The following AHCTF1 variants were observed in gnomAD, a reference collection of about 807,000 sequenced individuals.
AHCTF1 encodes AT-hook containing transcription factor 1, also known as protein ELYS.
Under a neutral mutation model 248.4 loss-of-function variants are expected in AHCTF1, and 24 were observed. The ratio of observed to expected loss-of-function variants is 0.10; its 90% CI spans 0.07 to 0.14. AHCTF1 has a LOEUF of 0.14. AHCTF1 is among the 10% of genes least tolerant of loss of function. The pLI is 1.00. For synonymous variants in AHCTF1, 786 were observed against 929.8 expected (o/e 0.85, Z 2.81); for missense variants, 2,206 against 2,636.2 (o/e 0.84, Z 3.57).
chr1:246,931,158 C>T, intron 1 of AHCTF1: 4 of 1,550,286 alleles, frequency 2.6e-6, no homozygotes, highest in Non-Finnish European at 3.5e-6. Flanking sequence ...ATGTGGAACA[C>T]ACGCCAACAC....
Position 246,918,354 on chromosome 1 carries a change from G to A in AHCTF1, c.17C>T (p.Ala6Val). ...TGGCAGGAGACCACTAGTCACTTGA[G>A]CTCTTAAGTCTCGCATACTTCCACT... MRDLR[A>V]QVTSGLLPFP... The change falls in exon 2 of 36, where the codon GCT becomes GTT. Residue 6 changes from alanine to valine, a missense_variant. Physicochemically the swap from Ala to Val is moderately conservative, Grantham distance 64 (BLOSUM62 0). Transcript: ENST00000648844. 5 of 1,611,820 alleles carry A rather than the reference G, an allele frequency of 3.1e-6. No homozygotes were observed. Among genetic ancestry groups the A allele is most frequent in the Non-Finnish European group, 4.2e-6 (5 of 1,179,006 alleles).
At chr1:246,901,719 G>A (rs758957942) in intron 8 of AHCTF1, among the ~76,000 whole-genome samples, 10 of 152,170 alleles carry the variant, frequency 6.6e-5, no homozygotes, top group Admixed American at 1.3e-4. Flanking sequence ...TTGGGAGACC[G>A]AGATGGGAGA....
chr1:246,899,373 T>C, intron 11 of AHCTF1, 78 bp downstream of exon 11: 1 of 1,256,806 alleles, frequency 8.0e-7, no homozygotes, highest in Non-Finnish European at 1.1e-6. Context: ...TATCACTAAG[T>C]AAAACTTAAA....
chr1:246,846,853 G>A (rs1660305561), intron 33 of AHCTF1, among the ~76,000 whole-genome samples: 1 of 151,960 alleles, frequency 6.6e-6, no homozygotes, highest in Admixed American at 6.6e-5. Context: ...CCGGGCTCAA[G>A]CCATCCTCAC....
intron 33 of AHCTF1, 64 bp downstream of exon 33, chr1:246,849,551 T>G: frequency 6.6e-7 from 1 of 1,522,910 alleles, no homozygotes; most frequent in Non-Finnish European, 8.8e-7. Context: ...TTAGGACAAA[T>G]AACCAAATTT....
chr1:246,846,974 G>C (rs1252910447), intron 33 of AHCTF1, among the ~76,000 whole-genome samples: 1 of 151,962 alleles, frequency 6.6e-6, no homozygotes, highest in African/African-American at 2.4e-5. Flanking sequence ...CAGGCTGGTT[G>C]GATTTTGAAG....
intron 1 of AHCTF1, chr1:246,930,987 C>T: frequency 8.1e-7 from 1 of 1,236,958 alleles, no homozygotes; most frequent in African/African-American, 1.5e-5. Context: ...AGAAACCGTC[C>T]TGTTTCCCAG....
At chr1:246,902,247 CAA>C (rs1306413984) in intron 8 of AHCTF1, among the ~76,000 whole-genome samples, 1 of 152,146 alleles carries the variant, frequency 6.6e-6, no homozygotes, top group Non-Finnish European at 1.5e-5. Flanking sequence ...AAACTTCATT[CAA>C]AGACTACTCA....
intron 5 of AHCTF1, among the ~76,000 whole-genome samples, chr1:246,906,682 G>A (rs1665418102): frequency 6.6e-6 from 1 of 152,114 alleles, no homozygotes; most frequent in African/African-American, 2.4e-5. Context: ...ATACCAGTAT[G>A]CCTCAGGAAA....
intron 24 of AHCTF1, 31 bp from the exon 25 acceptor site, chr1:246,867,842 C>T: frequency 6.5e-7 from 1 of 1,537,838 alleles, no homozygotes; most frequent in Non-Finnish European, 8.8e-7. Flanking sequence ...GAATTAAGTG[C>T]ATCTCTAACA....
intron 3 of AHCTF1, 62 bp from the exon 4 acceptor site, chr1:246,913,474 A>G: frequency 6.7e-7 from 1 of 1,492,324 alleles, no homozygotes; most frequent in Non-Finnish European, 9.1e-7. Context: ...AATTAACACA[A>G]TAAATTTAAG....
chr1:246,865,593 G>A (rs1314356311), intron 26 of AHCTF1, among the ~76,000 whole-genome samples: 1 of 152,108 alleles, frequency 6.6e-6, no homozygotes, highest in Non-Finnish European at 1.5e-5. Flanking sequence ...TTTATACTGA[G>A]CTATCCCAAA....
chr1:246,907,490 A>G, intron 5 of AHCTF1, 61 bp downstream of exon 5: 4 of 1,403,232 alleles, frequency 2.9e-6, no homozygotes, highest in Non-Finnish European at 3.9e-6. Context: ...TTAGTAAATG[A>G]GTACAAGCTA....
chr1:246,913,821 T>C (rs1233183238), intron 3 of AHCTF1, among the ~76,000 whole-genome samples: 1 of 152,232 alleles, frequency 6.6e-6, no homozygotes, highest in Non-Finnish European at 1.5e-5. Context: ...CAAACCTAAA[T>C]TGTTCTCATT....
chr1:246,840,176 G>T lies in AHCTF1; in HGVS notation c.*630C>A, dbSNP rs1426923941. 6.6e-6 allele frequency: 1 copy of T among 152,548 alleles called. No individual in the cohort carries two copies. Among genetic ancestry groups the T allele is most frequent in the East Asian group, 1.9e-4 (1 of 5,202 alleles). 9.4% of individuals were successfully genotyped at this position (152,548 alleles called of 1,614,324 possible). A position where few individuals can be genotyped will look rare whatever the true frequency, so the allele number is the denominator to read the frequency against. ...CTTTGACTAATTAAGACTTTAAAGA[G>T]CCTTTAAGCTTGCCGAATAAGAGAT... On this transcript the variant is annotated 3_prime_UTR_variant, in exon 36 of 36. Coordinates refer to ENST00000648844, the MANE Select transcript of AHCTF1 (RefSeq NM_001323342.2).
chr1:246,866,411 A>G (rs747152873), intron 26 of AHCTF1, among the ~76,000 whole-genome samples: 4 of 152,192 alleles, frequency 2.6e-5, no homozygotes, highest in Admixed American at 1.3e-4. Context: ...TTAAAATACC[A>G]TCTTACCAGA....
chr1:246,858,108 C>T (rs551263477), intron 29 of AHCTF1, among the ~76,000 whole-genome samples: 4 of 151,938 alleles, frequency 2.6e-5, no homozygotes, highest in Non-Finnish European at 4.4e-5. Context: ...TACAGATGCC[C>T]GCCACCATGC....
intron 5 of AHCTF1, among the ~76,000 whole-genome samples, chr1:246,906,301 C>T (rs770405647): frequency 1.6e-4 from 24 of 151,978 alleles, no homozygotes; most frequent in Non-Finnish European, 2.8e-4. Flanking sequence ...AACTGGCAGC[C>T]GGGCGTGGTA....
intron 8 of AHCTF1, 58 bp downstream of exon 8, chr1:246,902,467 C>A (rs1241318705): frequency 6.5e-7 from 1 of 1,548,468 alleles, no homozygotes; most frequent in Non-Finnish European, 8.7e-7. Flanking sequence ...GAAAATAACA[C>A]CTGTCATAAA....
Sources: gnomAD v4.1 joint callset for allele counts (sites outside exome capture counted in the v4.1 genomes callset) on GRCh38, gnomAD v4.1.1 for gene constraint, MANE v1.5 for transcripts, NCBI Gene and HGNC (gene_info 2026-07-23, HGNC 2026-07-21) for gene names.